SLC35A3: variants seen among roughly 807,000 people sequenced by gnomAD.
The protein encoded by SLC35A3 is UDP-N-acetylglucosamine transporter.
A neutral mutation model predicts 39.0 loss-of-function variants in SLC35A3; 26 were observed. That is an observed-to-expected ratio of 0.67 (90% CI 0.49 to 0.92). The LOEUF (loss-of-function observed/expected upper bound fraction) is 0.92. SLC35A3 is among the 40% of genes least tolerant of loss of function. The probability of loss-of-function intolerance (pLI) is 0.00; values close to 1 mark genes in which losing one functional copy is unlikely to be tolerated. For missense variants in SLC35A3, 299 were observed against 371.6 expected, an observed-to-expected ratio of 0.80 and a Z score of 1.61; for synonymous variants, 135 against 133.1, an observed-to-expected ratio of 1.01 and a Z score of -0.10.
rs1661392766 is a variant in SLC35A3, at chr1:100,034,361, ACT to A, written c.*11889_*11890del. The A allele has an allele frequency of 6.6e-6, 1 of 150,878 alleles. No homozygotes were observed. The highest frequency in any genetic ancestry group is 2.1e-4 in the South Asian group (1 of 4,782). The allele number at this position is 150,878 out of a possible 1,614,324, so 9.3% of individuals were successfully genotyped here. A position where few individuals can be genotyped will look rare whatever the true frequency, so the allele number is the denominator to read the frequency against. ...TCAGTATATTGCCTATGTTTGTTCA[ACT>A]CTCATTTTACATCTTACTATTGAGT... On this transcript the variant is annotated 3_prime_UTR_variant, in exon 8 of 8. Coordinates refer to ENST00000533028, the MANE Select transcript of SLC35A3 (RefSeq NM_012243.3).
chr1:100,022,149 G>A (rs1034229452), intron 7 of SLC35A3, among the ~76,000 whole-genome samples: 2 of 126,568 alleles, frequency 1.6e-5, no homozygotes, highest in African/African-American at 7.9e-5. Context: ...GTTTCCTCAT[G>A]TGTAAAAAAT....
At position 100,012,473 on chromosome 1, in the gene SLC35A3, T is replaced by A. The variant is rs535469101; in HGVS notation, c.634+940T>A. Among the ~76,000 whole-genome samples the A allele has an allele frequency of 1.1e-4, 17 of 152,302 alleles. 1 individual carries two copies. The South Asian group carries it at 3.5e-3, about 32-fold the overall frequency. On this transcript the variant is annotated intron_variant, in intron 5 of 7. Coordinates refer to ENST00000533028, the MANE Select transcript of SLC35A3 (RefSeq NM_012243.3). Reference sequence around the variant, plus strand: ...TAGAAAAAAATGATAACAGACTTAATGTTTTGAAAGGATAATTAAATAATT... The same window carrying A: ...TAGAAAAAAATGATAACAGACTTAAAGTTTTGAAAGGATAATTAAATAATT...
rs1657687837 is a variant in SLC35A3, at chr1:99,985,355, TG to T, written c.-18-8181del. Among the ~76,000 whole-genome samples, 6 of 152,352 alleles carry T rather than the reference TG, an allele frequency of 3.9e-5. 1 individual carries two copies. In the South Asian group the frequency reaches 1.2e-3, roughly 32 times the overall value. ...CCCCACTCTATGTTTTTGTTTGCTT[TG>T]TTGAAGATCAGTTGGCTGTAAGTAT... On this transcript the variant is annotated intron_variant, in intron 1 of 7. Coordinates refer to ENST00000533028, the MANE Select transcript of SLC35A3 (RefSeq NM_012243.3).
At chr1:99,997,547 A>G (rs1179840623) in intron 2 of SLC35A3, among the ~76,000 whole-genome samples, 3 of 144,676 alleles carry the variant, frequency 2.1e-5, no homozygotes, top group Non-Finnish European at 4.5e-5. Context: ...TCTAATATAT[A>G]TATTATATAT....
chr1:100,015,523 C>T, intron 6 of SLC35A3, 103 bp downstream of exon 6: 1 of 1,231,446 alleles, frequency 8.1e-7, no homozygotes, highest in South Asian at 2.2e-5. Context: ...AAAGGTCCCT[C>T]CTGTTAGTGC....
chr1:99,970,679 TG>T lies in SLC35A3; in HGVS notation c.-19+521del, dbSNP rs781283571. 1.4e-5 allele frequency: 20 copies of T among 1,440,396 alleles called. 1 individual carries two copies. The South Asian group carries it at 2.4e-4, about 18-fold the overall frequency. The allele number at this position is 1,440,396 out of a possible 1,614,324, so 89.2% of individuals were successfully genotyped here. The stretch of plus-strand genomic sequence containing the variant: ...GTAAGAACACAAGGACTGTTTGAAG[TG>T]GGGTGAGATTCTCATCAGAACAGGT... On this transcript the variant is annotated intron_variant, in intron 1 of 7. Coordinates refer to ENST00000533028, the MANE Select transcript of SLC35A3 (RefSeq NM_012243.3).
chr1:99,980,853 G>A (rs745780965), intron 1 of SLC35A3, among the ~76,000 whole-genome samples: 15 of 152,114 alleles, frequency 9.9e-5, no homozygotes, highest in Admixed American at 3.3e-4. Context: ...TATCTGTAGC[G>A]TAAATTACTT....
intron 4 of SLC35A3, among the ~76,000 whole-genome samples, chr1:100,010,181 A>C (rs761688836): frequency 2.6e-5 from 4 of 152,208 alleles, no homozygotes; most frequent in Admixed American, 6.5e-5. Flanking sequence ...CCAAAGAGTC[A>C]GTTGACTAGA....
intron 1 of SLC35A3, among the ~76,000 whole-genome samples, chr1:99,978,350 T>C (rs1194180158): frequency 1.3e-5 from 2 of 152,044 alleles, no homozygotes; most frequent in Non-Finnish European, 2.9e-5. Flanking sequence ...AGACCCCATC[T>C]TTACAGATAA....
intron 2 of SLC35A3, among the ~76,000 whole-genome samples, chr1:99,994,434 G>A (rs1658267679): frequency 6.6e-6 from 1 of 151,916 alleles, no homozygotes; most frequent in Non-Finnish European, 1.5e-5. Flanking sequence ...CTTTGTAACT[G>A]TTAAGTAATA....
rs1468287199 is a variant in SLC35A3, at chr1:100,024,429, T to TA, written c.*1954dup. On this transcript the variant is annotated 3_prime_UTR_variant, in exon 8 of 8. Transcript: ENST00000533028. ...AGCTGGGCATGGTGGTGCGCGCCTG[T>TA]AGTCCCAGCTACTCAGGAGGCTGAG... 6.6e-6 allele frequency: 1 copy of TA among 151,340 alleles called. No homozygotes were observed. Among genetic ancestry groups the TA allele is most frequent in the Non-Finnish European group, 1.5e-5 (1 of 67,954 alleles). 9.4% of individuals were successfully genotyped at this position (151,340 alleles called of 1,614,324 possible).
intron 1 of SLC35A3, among the ~76,000 whole-genome samples, chr1:99,991,505 ATT>A (rs1658082229): frequency 6.6e-6 from 1 of 152,116 alleles, no homozygotes; most frequent in African/African-American, 2.4e-5. Flanking sequence ...AAGCCTTTCA[ATT>A]TTGTTTTTCT....
intron 3 of SLC35A3, among the ~76,000 whole-genome samples, chr1:99,999,814 T>C (rs1658643430): frequency 6.6e-6 from 1 of 151,604 alleles, no homozygotes; most frequent in Non-Finnish European, 1.5e-5. Context: ...CCGCTCCCTT[T>C]TTTTTTTTAG....
chr1:100,008,643 C>G (rs1181290552), intron 4 of SLC35A3: 3 of 152,184 alleles, frequency 2.0e-5, no homozygotes, highest in South Asian at 2.1e-4. Flanking sequence ...TCTCTTGTGC[C>G]TACAATGCCT....
intron 3 of SLC35A3, among the ~76,000 whole-genome samples, chr1:100,000,943 A>G (rs1164293617): frequency 6.6e-6 from 1 of 151,868 alleles, no homozygotes; most frequent in Non-Finnish European, 1.5e-5. Context: ...CAATTTTCTC[A>G]GCGTCATTTA....
intron 2 of SLC35A3, among the ~76,000 whole-genome samples, chr1:99,997,817 A>AATATTGATTTC (rs201397687): frequency 0.013 from 2,037 of 152,154 alleles, 17 homozygotes; most frequent in Middle Eastern, 0.058. Flanking sequence ...CTGAACCTAG[A>AATATTGATTTC]AGCCTGTTTA....
chr1:99,980,218 C>T (rs1657379083), intron 1 of SLC35A3, among the ~76,000 whole-genome samples: 1 of 151,872 alleles, frequency 6.6e-6, no homozygotes, highest in African/African-American at 2.4e-5. Flanking sequence ...ATGATTAGTG[C>T]CTGTAGACCC....
chr1:100,014,501 C>T (rs1285849089), intron 5 of SLC35A3, among the ~76,000 whole-genome samples: 3 of 152,110 alleles, frequency 2.0e-5, no homozygotes, highest in African/African-American at 4.8e-5. Context: ...GGATTTCAGG[C>T]GTGAGCCACT....
rs145519210 is a variant in SLC35A3 at position 100,021,178 on chromosome 1, C to G, written c.888-1208C>G. On this transcript the variant is annotated intron_variant, in intron 7 of 7. Coordinates refer to ENST00000533028, the MANE Select transcript of SLC35A3 (RefSeq NM_012243.3). ...AGGAGTTTGAGACCAGCCTGGCCAA[C>G]ATGGTGAAACCCCATCTCTACTAAA... Among the ~76,000 whole-genome samples the G allele has an allele frequency of 1.6e-3, 250 of 151,996 alleles. 3 individuals carry two copies. Among genetic ancestry groups the G allele is most frequent in the African/African-American group, 5.6e-3 (233 of 41,420 alleles).
Sources: gnomAD v4.1 joint callset for allele counts (sites outside exome capture counted in the v4.1 genomes callset) on GRCh38, gnomAD v4.1.1 for gene constraint, MANE v1.5 for transcripts, NCBI Gene and HGNC (gene_info 2026-07-23, HGNC 2026-07-21) for gene names.